GRID2: variants seen among roughly 807,000 people sequenced by gnomAD.
GRID2 encodes glutamate ionotropic receptor delta type subunit 2.
GRID2 carries 33 observed loss-of-function variants against 114.8 expected under a neutral mutation model. That is an observed-to-expected ratio of 0.29 (90% CI 0.22 to 0.38). The LOEUF (loss-of-function observed/expected upper bound fraction) is 0.38, where lower values mean the gene tolerates loss of function less well. Among genes scored for constraint, GRID2 ranks in the 10% least tolerant of loss-of-function variants. GRID2 has a pLI of 1.00. For missense variants in GRID2, 1,184 were observed against 1,257.7 expected, an observed-to-expected ratio of 0.94 and a Z score of 0.89; for synonymous variants, 505 against 449.9, an observed-to-expected ratio of 1.12 and a Z score of -1.55.
rs749582230 is a variant in GRID2, at chr4:92,938,941, C to T, written c.245-146054C>T. Among the ~76,000 whole-genome samples the T allele has an allele frequency of 6.6e-4, 97 of 147,192 alleles. 4 individuals carry two copies. The highest frequency in any genetic ancestry group is 1.2e-3 in the Non-Finnish European group (82 of 66,554). Reference sequence around the variant, plus strand: ...AGTATTCCATGGTGTATATGTGCCACATTGTCTTAATCCAGTCTATCATTG... The same window carrying T: ...AGTATTCCATGGTGTATATGTGCCATATTGTCTTAATCCAGTCTATCATTG... On this transcript the variant is annotated intron_variant, in intron 2 of 15. Coordinates refer to ENST00000282020, the MANE Select transcript of GRID2 (RefSeq NM_001510.4).
intron 1 of GRID2, among the ~76,000 whole-genome samples, chr4:92,369,971 GTTTTAT>G (rs1729044606): frequency 6.6e-6 from 1 of 151,920 alleles, no homozygotes; most frequent in Non-Finnish European, 1.5e-5. Flanking sequence ...GGCATATCTT[GTTTTAT>G]TACACTTCAC....
At chr4:93,111,485 C>G (rs1732757058) in intron 4 of GRID2, among the ~76,000 whole-genome samples, 1 of 152,072 alleles carries the variant, frequency 6.6e-6, no homozygotes, top group Admixed American at 6.6e-5. Context: ...ATGCTGCATC[C>G]TCAAATTTTT....
At chr4:92,782,534 G>C (rs1247613910) in intron 2 of GRID2, among the ~76,000 whole-genome samples, 1 of 152,048 alleles carries the variant, frequency 6.6e-6, no homozygotes, top group Non-Finnish European at 1.5e-5. Flanking sequence ...TTCATGCTAT[G>C]TATGTTAGCA....
intron 14 of GRID2, among the ~76,000 whole-genome samples, chr4:93,676,544 T>C (rs1031530677): frequency 6.6e-6 from 1 of 152,070 alleles, no homozygotes; most frequent in African/African-American, 2.4e-5. Context: ...GGCTGTAACC[T>C]CCACCCCCTT....
chr4:92,782,148 G>T (rs1328828734), intron 2 of GRID2, among the ~76,000 whole-genome samples: 1 of 151,930 alleles, frequency 6.6e-6, no homozygotes, highest in Non-Finnish European at 1.5e-5. Flanking sequence ...ATTTAGATAT[G>T]GCTGTTGTCC....
chr4:93,552,427 T>C lies in GRID2; in HGVS notation c.2193+37016T>C, dbSNP rs1389683649. On this transcript the variant is annotated intron_variant, in intron 13 of 15. Coordinates refer to ENST00000282020, the MANE Select transcript of GRID2 (RefSeq NM_001510.4). The stretch of plus-strand genomic sequence containing the variant: ...GGATGGCTGGGTCAAATGGTATTTC[T>C]AGTTCTAGATCCCTGAAGAATCGCC... Among the ~76,000 whole-genome samples, 4 of 152,282 alleles carry C rather than the reference T, an allele frequency of 2.6e-5. No homozygotes were observed. In the East Asian group the frequency reaches 5.8e-4, roughly 22 times the overall value.
chr4:92,997,340 G>A (rs1755263053), intron 2 of GRID2, among the ~76,000 whole-genome samples: 1 of 152,114 alleles, frequency 6.6e-6, no homozygotes, highest in Admixed American at 6.6e-5. Context: ...AGGAACCTGA[G>A]CTCTGATCCT....
rs1223118170 is a variant in GRID2 at position 92,695,227 on chromosome 4, A to G, written c.244+104941A>G. On this transcript the variant is annotated intron_variant, in intron 2 of 15. Coordinates refer to ENST00000282020, the MANE Select transcript of GRID2 (RefSeq NM_001510.4). ...GCGACACACCTGCCTCAGCCTCCCA[A>G]AGTGCTTGGATTACAGGTGTAAGCC... Among the ~76,000 whole-genome samples, 3 of 152,186 alleles carry G rather than the reference A, an allele frequency of 2.0e-5. No homozygotes were observed. In the East Asian group the frequency reaches 5.8e-4, roughly 29 times the overall value.
chr4:92,572,782 T>C (rs78865515), intron 1 of GRID2, among the ~76,000 whole-genome samples: 4,278 of 152,196 alleles, frequency 0.028, 179 homozygotes, highest in African/African-American at 0.089. Context: ...CCTGAAGTTT[T>C]CTTTTTTTCT....
At chr4:93,466,970 G>C (rs910689157) in intron 11 of GRID2, among the ~76,000 whole-genome samples, 2 of 152,062 alleles carry the variant, frequency 1.3e-5, no homozygotes, top group African/African-American at 4.8e-5. Flanking sequence ...AATACATATT[G>C]TAAATACCTA....
intron 8 of GRID2, among the ~76,000 whole-genome samples, chr4:93,275,619 ATTC>A (rs1478681023): frequency 6.6e-6 from 1 of 151,746 alleles, no homozygotes; most frequent in African/African-American, 2.4e-5. Context: ...ATTTGTTATC[ATTC>A]TTATTATTAT....
chr4:92,311,919 G>A (rs1274786425), intron 1 of GRID2, among the ~76,000 whole-genome samples: 1 of 151,932 alleles, frequency 6.6e-6, no homozygotes, highest in African/African-American at 2.4e-5. Context: ...GAGGCAACCA[G>A]ATAAGAAAAT....
chr4:92,549,713 A>G (rs1292541388), intron 1 of GRID2, among the ~76,000 whole-genome samples: 1 of 152,168 alleles, frequency 6.6e-6, no homozygotes, highest in African/African-American at 2.4e-5. Flanking sequence ...TTTAGGTTAC[A>G]GGTAAGTCAT....
intron 2 of GRID2, among the ~76,000 whole-genome samples, chr4:92,868,057 T>TG (rs879908715): frequency 2.8e-5 from 4 of 142,360 alleles, no homozygotes; most frequent in Non-Finnish European, 6.1e-5. Context: ...TCTTTCTTTC[T>TG]TTCTTTCTTT....
chr4:93,729,296 A>G (rs1158400697), intron 14 of GRID2, among the ~76,000 whole-genome samples: 1 of 152,198 alleles, frequency 6.6e-6, no homozygotes, highest in African/African-American at 2.4e-5. Flanking sequence ...AAGTTCTAGT[A>G]AATTTCAATC....
At chr4:93,804,527 G>A (rs1319072404) in intron 1 of GRID2, among the ~76,000 whole-genome samples, 1 of 152,134 alleles carries the variant, frequency 6.6e-6, no homozygotes, top group Non-Finnish European at 1.5e-5. Flanking sequence ...TAAAAATATG[G>A]TGTTAAAATA....
intron 8 of GRID2, among the ~76,000 whole-genome samples, chr4:93,252,018 A>G (rs1478931939): frequency 6.6e-6 from 1 of 152,122 alleles, no homozygotes; most frequent in Non-Finnish European, 1.5e-5. Context: ...TGCTGGGTTT[A>G]GTGGTATTTC....
At chr4:93,292,269 C>T (rs532299326) in intron 8 of GRID2, among the ~76,000 whole-genome samples, 6 of 152,142 alleles carry the variant, frequency 3.9e-5, no homozygotes, top group Non-Finnish European at 8.8e-5. Context: ...TACTGTCTTC[C>T]CCATAGTCCT....
intron 1 of GRID2, among the ~76,000 whole-genome samples, chr4:92,366,511 A>G (rs1341380625): frequency 6.6e-6 from 1 of 152,048 alleles, no homozygotes; most frequent in Non-Finnish European, 1.5e-5. Context: ...CAGGCACTCA[A>G]GGAAAACTGA....
Sources: allele counts gnomAD v4.1 joint callset (sites outside exome capture counted in the v4.1 genomes callset), GRCh38; gene constraint gnomAD v4.1.1; transcripts MANE v1.5; gene names NCBI Gene and HGNC (gene_info 2026-07-23, HGNC 2026-07-21).